Variants in PCDHGA11 observed in about 807,000 individuals in gnomAD.
The protein encoded by PCDHGA11 is protocadherin gamma subfamily A, 11, also known as protocadherin gamma-A11.
In PCDHGA11, 39 loss-of-function variants were observed where a neutral mutation model predicts 60.4. That is an observed-to-expected ratio of 0.65 (90% CI 0.50 to 0.84). The LOEUF (loss-of-function observed/expected upper bound fraction) is 0.84. Ranked by LOEUF, PCDHGA11 falls within the 40% of genes least tolerant of loss-of-function variation. The pLI is 0.00. For missense variants in PCDHGA11, 1,165 were observed against 1,197.7 expected (o/e 0.97, Z 0.40); for synonymous variants, 533 against 510.3 (o/e 1.04, Z -0.60).
At position 141,423,255 on chromosome 5, in the gene PCDHGA11, C is replaced by T. The variant is rs368969800; in HGVS notation, c.2028C>T (p.Leu676=). ...GCATCCCCGAAGTCCTGGCGGACCT[C>T]GGCAGCCTCGAGTCTCTGGCTAACT... The part of the protein sequence containing the change: ...ADSIPEVLAD[L]GSLESLANSE... Residue 676 remains leucine, a synonymous_variant, in exon 1 of 4, where the codon CTC becomes CTT. Transcript: ENST00000398587. 2.0e-5 allele frequency: 33 copies of T among 1,613,930 alleles called. No homozygotes were observed. In the East Asian group the frequency reaches 3.8e-4, roughly 19 times the overall value.
At chr5:141,481,346 C>T (rs2099536003) in intron 1 of PCDHGA11, among the ~76,000 whole-genome samples, 1 of 152,248 alleles carries the variant, frequency 6.6e-6, no homozygotes, top group Non-Finnish European at 1.5e-5. Context: ...ATTATTTAAA[C>T]ATCTACAGCT....
intron 1 of PCDHGA11, chr5:141,427,959 C>A: frequency 1.3e-6 from 2 of 1,588,886 alleles, no homozygotes; most frequent in Non-Finnish European, 1.7e-6. Flanking sequence ...CAATGTGCCG[C>A]GGGTGCTGTA....
rs374140638 is a variant in PCDHGA11 at position 141,487,759 on chromosome 5, C to T, written c.2434-7048C>T. ...TTGTAAGAGGTAACTATGTGGTAGA[C>T]GCTGTGCTTTGTAACTGTTTCGTGA... On this transcript the variant is annotated intron_variant, in intron 1 of 3. Transcript: ENST00000398587. The surrounding 1 kb of genome is among the most constrained non-coding windows in gnomAD (Gnocchi z 5.0). 45 of 1,546,278 alleles carry T rather than the reference C, an allele frequency of 2.9e-5. No individual in the cohort carries two copies. The highest frequency in any genetic ancestry group is 1.1e-4 in the African/African-American group (8 of 73,160).
At chr5:141,478,339 C>A in intron 1 of PCDHGA11, 1 of 1,613,918 alleles carries the variant, frequency 6.2e-7, no homozygotes, top group Admixed American at 1.7e-5. Flanking sequence ...CAGGGCCCTC[C>A]TTGCACGCGG....
chr5:141,435,059 G>A (rs2097741198), intron 1 of PCDHGA11, among the ~76,000 whole-genome samples: 1 of 152,042 alleles, frequency 6.6e-6, no homozygotes, highest in Non-Finnish European at 1.5e-5. Context: ...CCATGCAGCA[G>A]TTTTGTGTAG....
chr5:141,441,623 C>T (rs530409184), intron 1 of PCDHGA11: 2 of 224,422 alleles, frequency 8.9e-6, no homozygotes, highest in Non-Finnish European at 1.8e-5. Flanking sequence ...TGGCCAGTGA[C>T]CTGGAGCCAC....
chr5:141,427,556 C>A (rs1022143090), intron 1 of PCDHGA11: 7 of 649,144 alleles, frequency 1.1e-5, no homozygotes, highest in African/African-American at 1.1e-4. Flanking sequence ...CTGCCACTGA[C>A]AAGGGCAAGC....
In PCDHGA11 at chr5:141,477,806, G is replaced by T; in HGVS notation, c.2434-17001G>T. ...ATTTGTCACTGATCGCAATGACAAT[G>T]CCCCCCAGGTCCTATATCCTCGGCC... On this transcript the variant is annotated intron_variant, in intron 1 of 3. Coordinates refer to ENST00000398587, the MANE Select transcript of PCDHGA11 (RefSeq NM_018914.3). The surrounding 1 kb of genome is among the most constrained non-coding windows in gnomAD (Gnocchi z 4.9). 6.2e-7 allele frequency: 1 copy of T among 1,614,118 alleles called. No homozygotes were observed. The highest frequency in any genetic ancestry group is 8.5e-7 in the Non-Finnish European group (1 of 1,180,036).
Position 141,431,756 on chromosome 5 carries a change from G to T in PCDHGA11, c.2433+8096G>T. The T allele has an allele frequency of 6.2e-7, 1 of 1,614,236 alleles. No individual in the cohort carries two copies. Among genetic ancestry groups the T allele is most frequent in the South Asian group, 1.1e-5 (1 of 91,088 alleles). On this transcript the variant is annotated intron_variant, in intron 1 of 3. Transcript: ENST00000398587. This position sits in a 1 kb window ranked among gnomAD's most constrained non-coding sequence, Gnocchi z 4.8. Reference sequence around the variant, plus strand: ...TGCAGGATATTCTGCGCGAGCCAAAGTCCTGATCACTGTTCTGGACGTGAA... The same window carrying T: ...TGCAGGATATTCTGCGCGAGCCAAATTCCTGATCACTGTTCTGGACGTGAA...
intron 1 of PCDHGA11, among the ~76,000 whole-genome samples, chr5:141,460,922 ATATGTGTGTGTG>A: frequency 6.6e-6 from 1 of 151,042 alleles, no homozygotes; most frequent in Non-Finnish European, 1.5e-5. Context: ...GTATATATAT[ATATGTGTGTGTG>A]TATATATATG....
chr5:141,425,242 G>A (rs2096863400), intron 1 of PCDHGA11, among the ~76,000 whole-genome samples: 1 of 152,128 alleles, frequency 6.6e-6, no homozygotes, highest in South Asian at 2.1e-4. Context: ...TAAATAAAAA[G>A]GATATGAGGT....
rs187488785 is a variant in PCDHGA11 at position 141,461,744 on chromosome 5, C to T, written c.2434-33063C>T. 5.9e-5 allele frequency among the ~76,000 whole-genome samples: 9 copies of T among 152,302 alleles called. No individual in the cohort carries two copies. The East Asian group carries it at 1.7e-3, about 29-fold the overall frequency. On this transcript the variant is annotated intron_variant, in intron 1 of 3. Transcript: ENST00000398587. ...GGAGTGCAGTGGCACAATCCCGGCT[C>T]CCAGATTCAAGCGATTCTCCTGCCT...
At chr5:141,460,817 A>G (rs527681610) in intron 1 of PCDHGA11, among the ~76,000 whole-genome samples, 3 of 152,126 alleles carry the variant, frequency 2.0e-5, no homozygotes, top group South Asian at 2.1e-4. Context: ...ATGTATACAT[A>G]TATACACACT....
chr5:141,491,312 C>T lies in PCDHGA11; in HGVS notation c.2434-3495C>T, dbSNP rs749198887. The stretch of plus-strand genomic sequence containing the variant: ...CACCCTCCTGAGCGTTCAGACCTTA[C>T]CCTTTACCTCATTGTGGCTCTAGCG... On this transcript the variant is annotated intron_variant, in intron 1 of 3. Transcript: ENST00000398587. The surrounding 1 kb of genome is among the most constrained non-coding windows in gnomAD (Gnocchi z 6.9). 3 of 1,614,170 alleles carry T rather than the reference C, an allele frequency of 1.9e-6. No individual in the cohort carries two copies. Among genetic ancestry groups the T allele is most frequent in the East Asian group, 4.5e-5 (2 of 44,878 alleles).
intron 1 of PCDHGA11, chr5:141,424,468 C>A (rs1301878037): frequency 1.3e-5 from 2 of 152,072 alleles, no homozygotes; most frequent in South Asian, 2.1e-4. Context: ...TCCTTTTATT[C>A]TTTTACTTTG....
intron 1 of PCDHGA11, among the ~76,000 whole-genome samples, chr5:141,438,296 A>G (rs902991313): frequency 6.6e-6 from 1 of 152,034 alleles, no homozygotes; most frequent in Non-Finnish European, 1.5e-5. Context: ...CTGTATGTAA[A>G]AGAAGTTGGT....
chr5:141,428,159 G>A (rs1377084529), intron 1 of PCDHGA11: 1 of 1,571,752 alleles, frequency 6.4e-7, no homozygotes, highest in East Asian at 2.2e-5. Context: ...GAACCTGCTG[G>A]TTGCTGTGCG....
Position 141,421,578 on chromosome 5 carries a change from T to G in PCDHGA11, c.351T>G (p.Ile117Met). The G allele has an allele frequency of 6.2e-7, 1 of 1,613,886 alleles. No individual in the cohort carries two copies. Among genetic ancestry groups the G allele is most frequent in the Non-Finnish European group, 8.5e-7 (1 of 1,179,854 alleles). ...MELLVEDTLK[I>M]YGVEVEIIDI... ...TTCTCGTGGAAGACACCTTGAAGAT[T>G]TACGGAGTGGAGGTGGAAATAATAG... Residue 117 changes from isoleucine to methionine, a missense_variant, in exon 1 of 4, where the codon ATT becomes ATG. Coordinates refer to ENST00000398587, the MANE Select transcript of PCDHGA11 (RefSeq NM_018914.3).
chr5:141,485,735 G>C lies in PCDHGA11; in HGVS notation c.2434-9072G>C, dbSNP rs1562107417. ...ACTGGATGTGAAGAAGCGCAGCGAC[G>C]GCAGCCTGGTCCCAGAGCTGCTCCT... is the stretch of plus-strand genomic sequence containing the variant. On this transcript the variant is annotated intron_variant, in intron 1 of 3. Coordinates refer to ENST00000398587, the MANE Select transcript of PCDHGA11 (RefSeq NM_018914.3). This position sits in a 1 kb window ranked among gnomAD's most constrained non-coding sequence, Gnocchi z 5.7. 2.5e-6 allele frequency: 4 copies of C among 1,614,048 alleles called. No individual in the cohort carries two copies. The highest frequency in any genetic ancestry group is 3.4e-6 in the Non-Finnish European group (4 of 1,180,044).
Sources: allele counts gnomAD v4.1 joint callset (sites outside exome capture counted in the v4.1 genomes callset), GRCh38; gene constraint gnomAD v4.1.1; non-coding constraint Gnocchi (gnomAD v3.1); transcripts MANE v1.5; gene names NCBI Gene and HGNC (gene_info 2026-07-23, HGNC 2026-07-21).